DRAXIN: variants seen among roughly 807,000 people sequenced by gnomAD.
The protein encoded by DRAXIN is dorsal inhibitory axon guidance protein.
In DRAXIN, 27 loss-of-function variants were observed where a neutral mutation model predicts 33.9. That is an observed-to-expected ratio of 0.80 (90% CI 0.59 to 1.10). The LOEUF is 1.10. Among genes scored for constraint, DRAXIN ranks in the 50% least tolerant of loss-of-function variants. DRAXIN has a pLI of 0.00. For missense variants in DRAXIN, 371 were observed against 460.8 expected, an observed-to-expected ratio of 0.81 and a Z score of 1.78; for synonymous variants, 178 against 194.0, an observed-to-expected ratio of 0.92 and a Z score of 0.69.
chr1:11,705,064 G>T lies in DRAXIN; in HGVS notation c.-10-1185G>T, dbSNP rs1641357310. Among the ~76,000 whole-genome samples the T allele has an allele frequency of 1.3e-5, 2 of 152,222 alleles. No individual in the cohort carries two copies. Among genetic ancestry groups the T allele is most frequent in the South Asian group, 4.1e-4 (2 of 4,830 alleles). Reference sequence around the variant, plus strand: ...GCCAGCATGGGGGCCGCAGGGAGAGGCGCCGGGAAGCAGGGAAACATCACA... The same window carrying T: ...GCCAGCATGGGGGCCGCAGGGAGAGTCGCCGGGAAGCAGGGAAACATCACA... On this transcript the variant is annotated intron_variant, in intron 1 of 6. Transcript: ENST00000294485. This position sits in a 1 kb window ranked among gnomAD's most constrained non-coding sequence, Gnocchi z 4.8.
upstream of DRAXIN, among the ~76,000 whole-genome samples, chr1:11,689,509 T>G (rs917067611): frequency 6.6e-6 from 1 of 151,968 alleles, no homozygotes; most frequent in African/African-American, 2.4e-5. Context: ...GGCAGGAGAA[T>G]TGCTTGAACC....
chr1:11,690,085 C>A (rs562993810), upstream of DRAXIN, among the ~76,000 whole-genome samples: 1 of 152,104 alleles, frequency 6.6e-6, no homozygotes, highest in Admixed American at 6.5e-5. The surrounding 1 kb of genome is among the most constrained non-coding windows in gnomAD (Gnocchi z 4.2). Flanking sequence ...CTCGTCCCTT[C>A]ATGCTTTGTC....
chr1:11,718,068 C>T (rs534243901), intron 6 of DRAXIN, among the ~76,000 whole-genome samples: 9 of 140,578 alleles, frequency 6.4e-5, no homozygotes, highest in East Asian at 2.1e-4. Flanking sequence ...CTTTGGGAGG[C>T]GGAGGTGGGC....
Position 11,723,548 on chromosome 1 carries a change from T to C in DRAXIN, c.*3852T>C, listed in dbSNP as rs1641686179. ...TCATCTGTAAAATGGGAATAATAAC[T>C]CTCCCTTCATAGGGTTGTTGTGAGT... On this transcript the variant is annotated 3_prime_UTR_variant, in exon 7 of 7. Transcript: ENST00000294485. The C allele has an allele frequency of 6.6e-6, 1 of 152,022 alleles. No individual in the cohort carries two copies. The highest frequency in any genetic ancestry group is 6.6e-5 in the Admixed American group (1 of 15,228). 9.4% of individuals were successfully genotyped at this position (152,022 alleles called of 1,614,324 possible). A position where few individuals can be genotyped will look rare whatever the true frequency, so the allele number is the denominator to read the frequency against.
intron 2 of DRAXIN, among the ~76,000 whole-genome samples, chr1:11,707,908 G>A (rs898636921): frequency 4.6e-5 from 7 of 152,294 alleles, no homozygotes; most frequent in Admixed American, 1.3e-4. Context: ...CATGTGACCC[G>A]ACTGCCTCTA....
At position 11,723,919 on chromosome 1, in the gene DRAXIN, T is replaced by A. The variant is rs1271884957; in HGVS notation, c.*4223T>A. The A allele has an allele frequency of 6.6e-6, 1 of 152,180 alleles. No homozygotes were observed. Among genetic ancestry groups the A allele is most frequent in the African/African-American group, 2.4e-5 (1 of 41,440 alleles). 9.4% of individuals were successfully genotyped at this position (152,180 alleles called of 1,614,324 possible). A position where few individuals can be genotyped will look rare whatever the true frequency, so the allele number is the denominator to read the frequency against. On this transcript the variant is annotated 3_prime_UTR_variant, in exon 7 of 7. Transcript: ENST00000294485. Reference sequence around the variant, plus strand: ...GTGAACGCAGAATTCTTATAAGGTGTTTAGAACAGTGCCTAGCACCTAATA... The same window carrying A: ...GTGAACGCAGAATTCTTATAAGGTGATTAGAACAGTGCCTAGCACCTAATA...
rs1351985678 is a variant in DRAXIN, at chr1:11,723,178, G to C, written c.*3482G>C. 1.3e-5 allele frequency: 2 copies of C among 152,160 alleles called. No homozygotes were observed. Among genetic ancestry groups the C allele is most frequent in the Non-Finnish European group, 2.9e-5 (2 of 68,040 alleles). The allele number at this position is 152,160 out of a possible 1,614,324, so 9.4% of individuals were successfully genotyped here. A position where few individuals can be genotyped will look rare whatever the true frequency, so the allele number is the denominator to read the frequency against. ...AAAACCATTTAAAAGTGCAAAAACTGCTCTTTGCTTGCCAACTGCGCAAAA... is the reference window on the plus strand; with the variant it reads ...AAAACCATTTAAAAGTGCAAAAACTCCTCTTTGCTTGCCAACTGCGCAAAA... On this transcript the variant is annotated 3_prime_UTR_variant, in exon 7 of 7. Transcript: ENST00000294485.
intron 3 of DRAXIN, among the ~76,000 whole-genome samples, chr1:11,710,469 T>C (rs562338669): frequency 1.3e-5 from 2 of 151,826 alleles, no homozygotes; most frequent in South Asian, 4.2e-4. Context: ...CACTCCAGCC[T>C]GGGCGACAGA....
intron 1 of DRAXIN, among the ~76,000 whole-genome samples, chr1:11,695,554 AT>A (rs1641177278): frequency 6.6e-6 from 1 of 151,576 alleles, no homozygotes; most frequent in African/African-American, 2.4e-5. Context: ...GTGAGCTGAG[AT>A]TGCACCACTG....
upstream of DRAXIN, among the ~76,000 whole-genome samples, chr1:11,686,819 A>C (rs1019815535): frequency 1.3e-5 from 2 of 149,352 alleles, no homozygotes; most frequent in African/African-American, 5.1e-5. Flanking sequence ...AAAAAAAAAA[A>C]AAAAAAAAAA....
Position 11,724,939 on chromosome 1 carries a change from A to C in DRAXIN, c.*5243A>C, listed in dbSNP as rs1641716699. ...TTTCCTGGGAAGGGCAGTTTGCAGA[A>C]CCAGGGGTTTATATTGCAGGGAGTG... On this transcript the variant is annotated 3_prime_UTR_variant, in exon 7 of 7. Coordinates refer to ENST00000294485, the MANE Select transcript of DRAXIN (RefSeq NM_198545.4). 1.3e-5 allele frequency: 2 copies of C among 152,230 alleles called. No homozygotes were observed. The highest frequency in any genetic ancestry group is 4.8e-5 in the African/African-American group (2 of 41,428). The allele number at this position is 152,230 out of a possible 1,614,324, so 9.4% of individuals were successfully genotyped here. A position where few individuals can be genotyped will look rare whatever the true frequency, so the allele number is the denominator to read the frequency against.
In DRAXIN at chr1:11,723,658, T is replaced by C. The variant is rs975300807; in HGVS notation, c.*3962T>C. On this transcript the variant is annotated 3_prime_UTR_variant, in exon 7 of 7. Transcript: ENST00000294485. Reference sequence around the variant, plus strand: ...CCCAGGCTGGAGTGCAGTGGCACGATCTCGGCTCACTGCGACCTCTGCCTC... The same window carrying C: ...CCCAGGCTGGAGTGCAGTGGCACGACCTCGGCTCACTGCGACCTCTGCCTC... 2.0e-5 allele frequency: 3 copies of C among 151,876 alleles called. No homozygotes were observed. The highest frequency in any genetic ancestry group is 7.3e-5 in the African/African-American group (3 of 41,304). The allele number at this position is 151,876 out of a possible 1,614,324, so 9.4% of individuals were successfully genotyped here.
chr1:11,719,200 G>A (rs1027100645), intron 6 of DRAXIN, among the ~76,000 whole-genome samples: 16 of 152,306 alleles, frequency 1.1e-4, no homozygotes, highest in African/African-American at 3.4e-4. Context: ...CACCGTGCCC[G>A]GCCTCTCTTG....
At chr1:11,711,089 C>G (rs973525900) in intron 3 of DRAXIN, among the ~76,000 whole-genome samples, 5 of 152,076 alleles carry the variant, frequency 3.3e-5, no homozygotes, top group Non-Finnish European at 7.4e-5. Flanking sequence ...GTCAGGAGTT[C>G]GAGACCAGCC....
intron 2 of DRAXIN, among the ~76,000 whole-genome samples, chr1:11,708,349 C>T (rs563851044): frequency 1.4e-4 from 21 of 152,336 alleles, no homozygotes; most frequent in Non-Finnish European, 2.8e-4. Flanking sequence ...TGGTGGCTCA[C>T]ACCTGTAATC....
intron 6 of DRAXIN, among the ~76,000 whole-genome samples, chr1:11,716,888 G>A (rs1264930943): frequency 1.3e-5 from 2 of 152,192 alleles, no homozygotes; most frequent in East Asian, 3.8e-4. Flanking sequence ...ACACTGGGGG[G>A]TTCAGTAGTG....
At chr1:11,712,706 C>G (rs571487661) in intron 5 of DRAXIN, among the ~76,000 whole-genome samples, 2 of 151,624 alleles carry the variant, frequency 1.3e-5, no homozygotes, top group South Asian at 4.2e-4. Context: ...TGAGAGCATC[C>G]TGGCCAACAT....
intron 1 of DRAXIN, among the ~76,000 whole-genome samples, chr1:11,701,288 A>C (rs1489320899): frequency 6.6e-6 from 1 of 152,176 alleles, no homozygotes. Flanking sequence ...GTGCCAGGAG[A>C]ACCCCGGCCT....
At chr1:11,702,392 C>T (rs935769708) in intron 1 of DRAXIN, among the ~76,000 whole-genome samples, 5 of 149,088 alleles carry the variant, frequency 3.4e-5, no homozygotes, top group African/African-American at 1.3e-4. Flanking sequence ...CACGCTTACA[C>T]ATCATCACAC....
Sources: gnomAD v4.1 joint callset for allele counts (sites outside exome capture counted in the v4.1 genomes callset) on GRCh38, gnomAD v4.1.1 for gene constraint, Gnocchi (gnomAD v3.1) non-coding constraint, MANE v1.5 for transcripts, NCBI Gene and HGNC (gene_info 2026-07-23, HGNC 2026-07-21) for gene names.